ZFR: variants seen among roughly 807,000 people sequenced by gnomAD.
The protein encoded by ZFR is zinc finger RNA binding protein, also known as zinc finger RNA-binding protein.
In ZFR, 19 loss-of-function variants were observed where a neutral mutation model predicts 130.7. The ratio of observed to expected loss-of-function variants is 0.15; its 90% CI spans 0.10 to 0.21. The LOEUF is 0.21. Ranked by LOEUF, ZFR falls within the 10% of genes least tolerant of loss-of-function variation. ZFR has a pLI of 1.00. For missense variants in ZFR, 872 were observed against 1,321.5 expected, an observed-to-expected ratio of 0.66 and a Z score of 5.27; for synonymous variants, 466 against 456.9, an observed-to-expected ratio of 1.02 and a Z score of -0.25.
intron 17 of ZFR, among the ~76,000 whole-genome samples, chr5:32,375,152 T>C (rs894445344): frequency 3.3e-5 from 5 of 152,130 alleles, no homozygotes; most frequent in African/African-American, 1.2e-4. Context: ...CAAAGGTAGC[T>C]CAAAATGAAG....
chr5:32,379,199 A>G lies in ZFR; in HGVS notation c.2751T>C (p.Asn917=), dbSNP rs1466537868. 5 of 1,613,916 alleles carry G rather than the reference A, an allele frequency of 3.1e-6. No homozygotes were observed. Among genetic ancestry groups the G allele is most frequent in the Non-Finnish European group, 2.5e-6 (3 of 1,179,850 alleles). The change falls in exon 17 of 20, where the codon AAT becomes AAC. Residue 917 remains asparagine (N), a synonymous_variant. Transcript: ENST00000265069. The stretch of plus-strand genomic sequence containing the variant: ...TGATAATCACACAGGACTGCAGACC[A>G]TTAGCTCTAGCCTTGAGAGCAACAT... ...RHAKWFQARA[N]GLQSCVIIIR...
intron 19 of ZFR, among the ~76,000 whole-genome samples, chr5:32,360,984 A>T (rs910026238): frequency 1.4e-4 from 21 of 152,234 alleles, no homozygotes; most frequent in African/African-American, 4.6e-4. Context: ...AGAGCTAATT[A>T]AAAAAATTTT....
At chr5:32,423,798 G>A (rs1489103919) in intron 2 of ZFR, among the ~76,000 whole-genome samples, 3 of 152,078 alleles carry the variant, frequency 2.0e-5, no homozygotes, top group African/African-American at 4.8e-5. Flanking sequence ...TCCAGAGAGG[G>A]AAAAACTGGG....
chr5:32,382,088 G>C (rs1343232712), intron 15 of ZFR, among the ~76,000 whole-genome samples: 1 of 152,164 alleles, frequency 6.6e-6, no homozygotes, highest in Non-Finnish European at 1.5e-5. Flanking sequence ...GATCATCTGA[G>C]GTAGGGAGTT....
intron 19 of ZFR, among the ~76,000 whole-genome samples, chr5:32,362,707 G>A (rs529768654): frequency 8.5e-5 from 13 of 152,174 alleles, no homozygotes; most frequent in African/African-American, 2.6e-4. Flanking sequence ...CAAGTATTAC[G>A]TCATGAGTGC....
chr5:32,400,107 G>A lies in ZFR; in HGVS notation c.1613C>T (p.Pro538Leu), dbSNP rs764772663. 6.2e-6 allele frequency: 10 copies of A among 1,613,586 alleles called. No homozygotes were observed. In the East Asian group the frequency reaches 2.0e-4, roughly 32 times the overall value. Reference protein sequence around the residue: ...STPVTSAVQIPEVKQDTVSEP... With the variant: ...STPVTSAVQILEVKQDTVSEP... ...TGACACTGTGTCTTGCTTTACTTCAGGAATCTGCACAGCAGAAGTGACAGG... is the reference window on the plus strand; with the variant it reads ...TGACACTGTGTCTTGCTTTACTTCAAGAATCTGCACAGCAGAAGTGACAGG... The change falls in exon 9 of 20, where the codon CCT becomes CTT. Residue 538 changes from proline to leucine, a missense_variant. Pro to Leu is a moderately conservative substitution (Grantham distance 98). Transcript: ENST00000265069.
chr5:32,403,161 T>C lies in ZFR; in HGVS notation c.1461A>G (p.Ala487=). 1 of 1,614,222 alleles carries C rather than the reference T, an allele frequency of 6.2e-7. No homozygotes were observed. The highest frequency in any genetic ancestry group is 8.5e-7 in the Non-Finnish European group (1 of 1,180,036). Residue 487 remains alanine, a synonymous_variant, in exon 8 of 20, where the codon GCA becomes GCG. Coordinates refer to ENST00000265069, the MANE Select transcript of ZFR (RefSeq NM_016107.5). The part of the protein sequence containing the change: ...LNSTSNTKVS[A]VPTNMAAKKT... ...TCTTGGCAGCCATATTTGTAGGCAC[T>C]GCTGATACTTTAGTGTTAGATGTGC...
chr5:32,395,243 T>C lies in ZFR; in HGVS notation c.1895A>G (p.Gln632Arg). The C allele has an allele frequency of 6.2e-7, 1 of 1,611,204 alleles. No homozygotes were observed. The highest frequency in any genetic ancestry group is 1.7e-5 in the Admixed American group (1 of 59,680). The change falls in exon 11 of 20, where the codon CAA (glutamine) becomes CGA (arginine). Residue 632 changes from glutamine to arginine, a missense_variant. Gln to Arg is a conservative substitution (Grantham distance 43, BLOSUM62 1). This residue lies in a region of ZFR where 54 missense variants were observed against 119.9 expected (regional missense o/e 0.45). Transcript: ENST00000265069. Reference sequence around the variant, plus strand: ...CATTTGCTTCCTCATTTTCTCTTCTTGAATCTTTCTTGCTCGAATACTAGG... The same window carrying C: ...CATTTGCTTCCTCATTTTCTCTTCTCGAATCTTTCTTGCTCGAATACTAGG... ...VKPSIRARKIQEEKMRKQMQK... is the reference protein window; with the variant it reads ...VKPSIRARKIREEKMRKQMQK...
rs1371446424 is a variant in ZFR, at chr5:32,374,682, T to C, written c.2835+4433A>G. 5.8e-5 allele frequency among the ~76,000 whole-genome samples: 8 copies of C among 138,198 alleles called. No individual in the cohort carries two copies. The East Asian group carries it at 1.6e-3, about 28-fold the overall frequency. The allele number at this position is 138,198 out of a possible 152,430, so 90.7% of individuals were successfully genotyped here. On this transcript the variant is annotated intron_variant, in intron 17 of 19. Coordinates refer to ENST00000265069, the MANE Select transcript of ZFR (RefSeq NM_016107.5). ...ATACTTTACTGGCTAGTCTAATCAA[T>C]GACACAAGGAAGAATTAAAAGCAAA...
chr5:32,428,579 A>G (rs1245905865), intron 2 of ZFR, among the ~76,000 whole-genome samples: 4 of 151,972 alleles, frequency 2.6e-5, no homozygotes. Flanking sequence ...CTGTCTAAAA[A>G]CAAACAATTA....
chr5:32,426,292 A>G (rs910823181), intron 2 of ZFR, among the ~76,000 whole-genome samples: 1 of 152,182 alleles, frequency 6.6e-6, no homozygotes, highest in East Asian at 1.9e-4. Context: ...CAAGTTCAAC[A>G]TATAAATCAA....
At chr5:32,409,418 C>T (rs1452091077) in intron 5 of ZFR, among the ~76,000 whole-genome samples, 1 of 151,936 alleles carries the variant, frequency 6.6e-6, no homozygotes, top group Non-Finnish European at 1.5e-5. Context: ...CTATTCTCCA[C>T]CGCCCCACCC....
chr5:32,430,643 T>C (rs1754188070), intron 2 of ZFR, among the ~76,000 whole-genome samples: 1 of 151,912 alleles, frequency 6.6e-6, no homozygotes, highest in Admixed American at 6.6e-5. Context: ...GTAAGATATA[T>C]CTAAGTGAAA....
intron 19 of ZFR, among the ~76,000 whole-genome samples, chr5:32,361,874 T>G (rs1324221152): frequency 1.3e-5 from 2 of 152,044 alleles, no homozygotes; most frequent in Admixed American, 6.6e-5. Context: ...TTGACCTCCT[T>G]AAGTGCTGGG....
chr5:32,406,908 T>TTGC lies in ZFR; in HGVS notation c.895_897dup (p.Ala299dup), dbSNP rs775024784. ...AAGGTGGTCCCTGTCCAGGCAGCTGTTGCAGCAGCAGCAGCAGCTGCTGCT... is the reference window on the plus strand; with the variant it reads ...AAGGTGGTCCCTGTCCAGGCAGCTGTTGCTGCAGCAGCAGCAGCAGCTGCTGCT... On this transcript the variant is annotated inframe_insertion, in exon 6 of 20. Transcript: ENST00000265069. 1.5e-5 allele frequency: 24 copies of TTGC among 1,611,370 alleles called. No individual in the cohort carries two copies. The highest frequency in any genetic ancestry group is 2.7e-5 in the African/African-American group (2 of 74,606).
At position 32,397,154 on chromosome 5, in the gene ZFR, A is replaced by C. The variant is rs1323061297; in HGVS notation, c.1833+65T>G. The C allele has an allele frequency of 3.3e-6, 5 of 1,527,778 alleles. No individual in the cohort carries two copies. The East Asian group carries it at 6.9e-5, about 21-fold the overall frequency. 94.6% of individuals were successfully genotyped at this position (1,527,778 alleles called of 1,614,324 possible). ...TTAGATGCTTTCTTTTACATAAAGAATGCTCTGGGTGTTTTTGTTTTTGTT... is the reference window on the plus strand; with the variant it reads ...TTAGATGCTTTCTTTTACATAAAGACTGCTCTGGGTGTTTTTGTTTTTGTT... On this transcript the variant is annotated intron_variant, in intron 10 of 19. Coordinates refer to ENST00000265069, the MANE Select transcript of ZFR (RefSeq NM_016107.5).
At chr5:32,364,423 A>C in intron 17 of ZFR, 148 bp from the exon 18 acceptor site, 1 of 501,812 alleles carries the variant, frequency 2.0e-6, no homozygotes, top group Non-Finnish European at 3.5e-6. Flanking sequence ...ATTACATATA[A>C]TATAAAAACA....
At chr5:32,411,579 C>A (rs141922324) in intron 5 of ZFR, among the ~76,000 whole-genome samples, 6,450 of 150,868 alleles carry the variant, frequency 0.043, 142 homozygotes, top group Middle Eastern at 0.075. Flanking sequence ...ACCCCAGCTA[C>A]TTGGGAGGCT....
In ZFR at chr5:32,415,131, G is replaced by A; in HGVS notation, c.622C>T (p.Arg208Ter). Residue 208 changes from arginine (R) to a stop codon, truncating the protein, a stop_gained, in exon 5 of 20, where the codon CGA becomes TGA. Transcript: ENST00000265069. LOFTEE classifies it high-confidence loss of function. Reference protein sequence around the residue: ...ATQYTQAQQTRQVTAIKPATP... With the variant: ...ATQYTQAQQT Reference sequence around the variant, plus strand: ...GCTGGTTTTATGGCTGTCACTTGTCGAGTTTGCTGGGCTTGAGTATACTGA... The same window carrying A: ...GCTGGTTTTATGGCTGTCACTTGTCAAGTTTGCTGGGCTTGAGTATACTGA... The A allele has an allele frequency of 1.2e-6, 2 of 1,614,050 alleles. No individual in the cohort carries two copies. The highest frequency in any genetic ancestry group is 2.2e-5 in the East Asian group (1 of 44,872).
Sources: gnomAD v4.1 joint callset for allele counts (sites outside exome capture counted in the v4.1 genomes callset) on GRCh38, gnomAD v4.1.1 for gene constraint, gnomAD v4.1.1 regional missense constraint, MANE v1.5 for transcripts, NCBI Gene and HGNC (gene_info 2026-07-23, HGNC 2026-07-21) for gene names.